The following PLCG2 variants were observed in gnomAD, a reference collection of about 807,000 sequenced individuals.
PLCG2 encodes 1-phosphatidylinositol 4,5-bisphosphate phosphodiesterase gamma-2.
A neutral mutation model predicts 175.6 loss-of-function variants in PLCG2; 69 were observed. The ratio of observed to expected loss-of-function variants is 0.39; its 90% CI spans 0.32 to 0.48. The LOEUF (loss-of-function observed/expected upper bound fraction) is 0.48. Among genes scored for constraint, PLCG2 ranks in the 20% least tolerant of loss-of-function variants. The pLI is 0.91. For missense variants in PLCG2, 1,798 were observed against 1,650.9 expected (o/e 1.09, Z -1.54); for synonymous variants, 827 against 624.0 (o/e 1.33, Z -4.85).
intron 2 of PLCG2, among the ~76,000 whole-genome samples, chr16:81,831,141 GC>G (rs1235636079): frequency 1.3e-5 from 2 of 152,180 alleles, no homozygotes; most frequent in Non-Finnish European, 2.9e-5. Context: ...CACACACCAT[GC>G]TTTGCTCTTC....
At chr16:81,802,340 C>T (rs1016084534) in intron 2 of PLCG2, among the ~76,000 whole-genome samples, 13 of 150,988 alleles carry the variant, frequency 8.6e-5, no homozygotes, top group African/African-American at 3.2e-4. Context: ...TCTCGATCTC[C>T]TGACCTCGTG....
chr16:81,777,369 C>T (rs1483869618), upstream of PLCG2, among the ~76,000 whole-genome samples: 1 of 145,050 alleles, frequency 6.9e-6, no homozygotes, highest in Non-Finnish European at 1.5e-5. Flanking sequence ...ATATTATGTA[C>T]TTTATATAAC....
At position 81,912,837 on chromosome 16, in the gene PLCG2, C is replaced by T. The variant is rs535198090; in HGVS notation, c.2054+121C>T. 1.8e-5 allele frequency: 22 copies of T among 1,237,416 alleles called. No homozygotes were observed. The Admixed American group carries it at 4.1e-4, about 23-fold the overall frequency. The allele number at this position is 1,237,416 out of a possible 1,614,324, so 76.7% of individuals were successfully genotyped here. ...CAGTGCCCTGCCCCCCCAGCATCAG[C>T]GACAACAACAACCACCACAGCAAAA... is the stretch of plus-strand genomic sequence containing the variant. On this transcript the variant is annotated intron_variant, in intron 19 of 32. Transcript: ENST00000564138.
At chr16:81,789,357 C>G (rs1911124226) in intron 2 of PLCG2, among the ~76,000 whole-genome samples, 1 of 152,220 alleles carries the variant, frequency 6.6e-6, no homozygotes, top group African/African-American at 2.4e-5. Flanking sequence ...ATGGCCTGAT[C>G]ATGGTTCACT....
At chr16:81,767,165 G>A (rs4350563) in intron 2 of PLCG2, among the ~76,000 whole-genome samples, 52,098 of 107,770 alleles carry the variant, frequency 0.48, 12,866 homozygotes, top group Non-Finnish European at 0.57. Context: ...TTTTTTTTGA[G>A]ACTGAGTCTC....
At chr16:81,879,669 C>T (rs1907984045) in intron 7 of PLCG2, among the ~76,000 whole-genome samples, 1 of 152,154 alleles carries the variant, frequency 6.6e-6, no homozygotes, top group South Asian at 2.1e-4. Context: ...GGATACATTT[C>T]CCTAAGTGCT....
chr16:81,759,267 G>T (rs1247737173), intron 2 of PLCG2, among the ~76,000 whole-genome samples: 1 of 151,858 alleles, frequency 6.6e-6, no homozygotes. Flanking sequence ...TCATTGTTTT[G>T]TTTTGTTTTT....
chr16:81,857,422 C>T (rs1270488884), intron 3 of PLCG2, among the ~76,000 whole-genome samples: 2 of 152,192 alleles, frequency 1.3e-5, no homozygotes, highest in East Asian at 1.9e-4. Flanking sequence ...TCAGTGTGCT[C>T]TGGCTACTGT....
chr16:81,944,549 C>T (rs555624026), intron 30 of PLCG2, among the ~76,000 whole-genome samples: 15 of 152,136 alleles, frequency 9.9e-5, no homozygotes, highest in Non-Finnish European at 2.1e-4. Flanking sequence ...ATGGCAGCCT[C>T]AGACTCCTGG....
At chr16:81,895,952 T>C (rs751094376) in intron 13 of PLCG2, 25 bp downstream of exon 13, 2 of 1,613,756 alleles carry the variant, frequency 1.2e-6, no homozygotes, top group South Asian at 1.1e-5. Context: ...TTCTGGGTGG[T>C]GTGACTTAAA....
chr16:81,776,101 T>TCTTCTTTCTTTCTTTCTTTCTTTCTTTC (rs1910397888), upstream of PLCG2, among the ~76,000 whole-genome samples: 2 of 55,310 alleles, frequency 3.6e-5, no homozygotes, highest in Admixed American at 1.9e-4. Context: ...TTCTTTCTTT[T>TCTTCTTTCTTTCTTTCTTTCTTTCTTTC]TTTCCTTCTT....
chr16:81,786,544 C>T (rs1341061671), intron 2 of PLCG2, among the ~76,000 whole-genome samples: 1 of 152,194 alleles, frequency 6.6e-6, no homozygotes, highest in South Asian at 2.1e-4. Flanking sequence ...TTAGCCCAAG[C>T]CTGCAGAAAC....
Position 81,936,348 on chromosome 16 carries a change from C to T in PLCG2, c.3022C>T (p.Gln1008Ter). Residue 1008 changes from glutamine to a stop codon, truncating the protein, a stop_gained, in exon 27 of 33, where the codon CAG (glutamine) becomes TAG (stop). Transcript: ENST00000564138. LOFTEE classifies it high-confidence loss of function. Reference protein sequence around the residue: ...DPFRLWLCGSQMVALNFQTAD... With the variant: ...DPFRLWLCGS ...CTTCCGCCTCTGGCTGTGCGGTTCTCAGATGGTGGCACTCAATTTCCAGAC... is the reference window on the plus strand; with the variant it reads ...CTTCCGCCTCTGGCTGTGCGGTTCTTAGATGGTGGCACTCAATTTCCAGAC... 6.2e-7 allele frequency: 1 copy of T among 1,614,040 alleles called. No homozygotes were observed. The highest frequency in any genetic ancestry group is 8.5e-7 in the Non-Finnish European group (1 of 1,180,026).
At chr16:81,895,491 C>T (rs1053760941) in intron 12 of PLCG2, 20 of 259,288 alleles carry the variant, frequency 7.7e-5, no homozygotes, top group Middle Eastern at 1.3e-3. Flanking sequence ...ACCCGGGAGG[C>T]GGAGATTGCA....
chr16:81,845,754 TGTAAGATCA>T, intron 2 of PLCG2, among the ~76,000 whole-genome samples: 1 of 152,356 alleles, frequency 6.6e-6, no homozygotes, highest in Non-Finnish European at 1.5e-5. Flanking sequence ...CCCTGCCTGA[TGTAAGATCA>T]AGGGGTGGAG....
chr16:81,810,471 C>T (rs1904308511), intron 2 of PLCG2, among the ~76,000 whole-genome samples: 1 of 152,188 alleles, frequency 6.6e-6, no homozygotes, highest in Non-Finnish European at 1.5e-5. Flanking sequence ...AGTTCTGGCC[C>T]TTCTGTGGTC....
chr16:81,782,905 G>T (rs1047327244), intron 1 of PLCG2, among the ~76,000 whole-genome samples: 1 of 152,342 alleles, frequency 6.6e-6, no homozygotes, highest in East Asian at 1.9e-4. Flanking sequence ...CACTGCAGGT[G>T]AGAGTGTAAA....
intron 28 of PLCG2, 117 bp from the exon 29 acceptor site, chr16:81,938,683 GA>G: frequency 1.6e-6 from 1 of 625,306 alleles, no homozygotes; most frequent in Non-Finnish European, 2.8e-6. Context: ...GTGAATCTAG[GA>G]AAATTAGGGC....
intron 5 of PLCG2, among the ~76,000 whole-genome samples, chr16:81,867,808 C>A (rs1223600969): frequency 6.6e-6 from 1 of 152,180 alleles, no homozygotes; most frequent in East Asian, 1.9e-4. Flanking sequence ...CGCCATTCTT[C>A]TGCCTCAGCC....
Sources: gnomAD v4.1 joint callset for allele counts (sites outside exome capture counted in the v4.1 genomes callset) on GRCh38, gnomAD v4.1.1 for gene constraint, MANE v1.5 for transcripts, NCBI Gene and HGNC (gene_info 2026-07-23, HGNC 2026-07-21) for gene names.